Variants in ROBO2 observed in about 807,000 individuals in gnomAD.
ROBO2 encodes roundabout homolog 2.
Under a neutral mutation model 160.8 loss-of-function variants are expected in ROBO2, and 53 were observed. The ratio of observed to expected loss-of-function variants is 0.33; its 90% CI spans 0.26 to 0.41. The LOEUF is 0.41. ROBO2 is among the 10% of genes least tolerant of loss of function. The pLI, the probability that ROBO2 is intolerant of heterozygous loss-of-function variation, is 1.00. For synonymous variants in ROBO2, 664 were observed against 611.7 expected (o/e 1.09, Z -1.26); for missense variants, 1,577 against 1,722.4 (o/e 0.92, Z 1.49).
intron 2 of ROBO2, among the ~76,000 whole-genome samples, chr3:76,475,822 G>A (rs540287646): frequency 2.0e-5 from 3 of 152,252 alleles, no homozygotes; most frequent in South Asian, 2.1e-4. Flanking sequence ...GTCCCCTCAC[G>A]GGGTAAAGAA....
intron 2 of ROBO2, among the ~76,000 whole-genome samples, chr3:76,204,900 A>T (rs1415087859): frequency 6.6e-6 from 1 of 152,302 alleles, no homozygotes; most frequent in East Asian, 1.9e-4. Context: ...TTTTGTAAAA[A>T]ATATGTGGGG....
chr3:76,553,989 A>AC (rs2083563010), intron 2 of ROBO2, among the ~76,000 whole-genome samples: 1 of 152,328 alleles, frequency 6.6e-6, no homozygotes, highest in African/African-American at 2.4e-5. Flanking sequence ...AAATATGCAT[A>AC]CCAGGAGACC....
intron 2 of ROBO2, among the ~76,000 whole-genome samples, chr3:76,211,131 C>T (rs1276452188): frequency 1.3e-5 from 2 of 152,056 alleles, no homozygotes; most frequent in African/African-American, 2.4e-5. Context: ...TCAACACCAG[C>T]CTAGGACACT....
intron 2 of ROBO2, among the ~76,000 whole-genome samples, chr3:75,984,528 A>G (rs2065361057): frequency 6.6e-6 from 1 of 151,542 alleles, no homozygotes; most frequent in Admixed American, 6.6e-5. Context: ...TATTTAAAAT[A>G]AATTTGTAGC....
intron 2 of ROBO2, among the ~76,000 whole-genome samples, chr3:76,532,319 C>A (rs2082273289): frequency 6.6e-6 from 1 of 152,184 alleles, no homozygotes; most frequent in African/African-American, 2.4e-5. Flanking sequence ...TGACTGATTT[C>A]CTCGGCAGCC....
chr3:76,117,875 C>T (rs1035860808), intron 2 of ROBO2, among the ~76,000 whole-genome samples: 4 of 151,840 alleles, frequency 2.6e-5, no homozygotes, highest in African/African-American at 9.7e-5. Flanking sequence ...GAACTGGCAT[C>T]GTCTCAGTGG....
intron 2 of ROBO2, among the ~76,000 whole-genome samples, chr3:76,815,346 C>G (rs2065569170): frequency 2.0e-5 from 3 of 151,696 alleles, no homozygotes; most frequent in African/African-American, 7.3e-5. Flanking sequence ...ATCTTTGAGT[C>G]CAATAAGCTG....
At chr3:76,484,709 A>T (rs111757128) in intron 2 of ROBO2, among the ~76,000 whole-genome samples, 2,320 of 152,228 alleles carry the variant, frequency 0.015, 71 homozygotes, top group African/African-American at 0.053. Flanking sequence ...TATTATACCC[A>T]AAATTTTAGT....
intron 1 of ROBO2, among the ~76,000 whole-genome samples, chr3:77,054,587 A>C (rs1201880160): frequency 1.3e-5 from 2 of 152,154 alleles, no homozygotes; most frequent in African/African-American, 4.8e-5. Flanking sequence ...AGGTTGTACA[A>C]GTGAGATTCT....
intron 2 of ROBO2, among the ~76,000 whole-genome samples, chr3:77,010,369 A>G (rs1018721727): frequency 2.0e-5 from 3 of 152,206 alleles, no homozygotes; most frequent in Admixed American, 2.0e-4. Context: ...AGAGTAATCA[A>G]TTTAGAAAAC....
intron 2 of ROBO2, among the ~76,000 whole-genome samples, chr3:76,967,122 C>T (rs1012283180): frequency 6.6e-6 from 1 of 152,054 alleles, no homozygotes; most frequent in African/African-American, 2.4e-5. Flanking sequence ...CGCAGATACA[C>T]ATGAATGGAA....
intron 2 of ROBO2, among the ~76,000 whole-genome samples, chr3:76,297,308 A>T (rs1356645153): frequency 1.3e-5 from 2 of 152,214 alleles, no homozygotes; most frequent in Non-Finnish European, 2.9e-5. Context: ...TAACACACCT[A>T]CTTGGAGAAG....
chr3:77,202,654 ATTC>A (rs1262089675), intron 2 of ROBO2, among the ~76,000 whole-genome samples: 3 of 152,138 alleles, frequency 2.0e-5, no homozygotes, highest in African/African-American at 7.2e-5. Context: ...CCCCGACTTC[ATTC>A]TTTTCCATCT....
intron 2 of ROBO2, among the ~76,000 whole-genome samples, chr3:76,185,622 G>A (rs1701726642): frequency 6.6e-6 from 1 of 151,960 alleles, no homozygotes; most frequent in Non-Finnish European, 1.5e-5. Context: ...GAAAAAACTG[G>A]AAGAATGAGG....
intron 2 of ROBO2, among the ~76,000 whole-genome samples, chr3:76,928,770 C>T (rs1049007024): frequency 1.3e-5 from 2 of 152,188 alleles, no homozygotes; most frequent in Non-Finnish European, 2.9e-5. Flanking sequence ...TCCAAGAATT[C>T]TCCAGGAGAG....
intron 2 of ROBO2, chr3:76,435,513 C>T: frequency 1.6e-6 from 1 of 635,858 alleles, no homozygotes; most frequent in South Asian, 1.8e-5. Flanking sequence ...ATTTCCTCTA[C>T]CTTGGTGCTC....
chr3:77,035,992 A>T (rs1259694470), upstream of ROBO2, among the ~76,000 whole-genome samples: 1 of 151,960 alleles, frequency 6.6e-6, no homozygotes, highest in Non-Finnish European at 1.5e-5. Context: ...ATATTTCTGT[A>T]TATTTTGGTA....
intron 2 of ROBO2, among the ~76,000 whole-genome samples, chr3:76,037,242 A>T (rs1422915866): frequency 6.6e-6 from 1 of 150,626 alleles, no homozygotes; most frequent in Non-Finnish European, 1.5e-5. Flanking sequence ...TTAAAAATGC[A>T]TGTACATTTT....
At chr3:76,942,601 C>T (rs1161769053) in intron 2 of ROBO2, among the ~76,000 whole-genome samples, 1 of 152,188 alleles carries the variant, frequency 6.6e-6, no homozygotes, top group African/African-American at 2.4e-5. Context: ...CTTAGGTTGG[C>T]TATATACACT....
Sources: gnomAD v4.1 joint callset for allele counts (sites outside exome capture counted in the v4.1 genomes callset) on GRCh38, gnomAD v4.1.1 for gene constraint, MANE v1.5 for transcripts, NCBI Gene and HGNC (gene_info 2026-07-23, HGNC 2026-07-21) for gene names.